Variants in PRDM6 observed in about 807,000 individuals in gnomAD.
PRDM6 encodes PR/SET domain 6, also known as putative histone-lysine N-methyltransferase PRDM6.
In PRDM6, 25 loss-of-function variants were observed where a neutral mutation model predicts 60.8. The observed-to-expected ratio is 0.41, with a 90% CI of 0.30 to 0.57. PRDM6 has a LOEUF of 0.57. PRDM6 is among the 20% of genes least tolerant of loss of function. PRDM6 has a pLI of 0.27. For synonymous variants in PRDM6, 407 were observed against 357.4 expected (o/e 1.14, Z -1.57); for missense variants, 839 against 821.3 (o/e 1.02, Z -0.26).
At chr5:123,139,966 A>G (rs1443935509) in intron 3 of PRDM6, among the ~76,000 whole-genome samples, 1 of 152,146 alleles carries the variant, frequency 6.6e-6, no homozygotes, top group Non-Finnish European at 1.5e-5. Context: ...AAAGATGCTG[A>G]CACACTTGTA....
intron 3 of PRDM6, among the ~76,000 whole-genome samples, chr5:123,125,148 CCCT>C (rs796444678): frequency 0.25 from 1,749 of 7,136 alleles, 15 homozygotes; most frequent in Middle Eastern, 0.43. Context: ...ATACCGCACC[CCCT>C]CCCCCCCACC....
rs759582159 is a variant in PRDM6 at position 123,155,912 on chromosome 5, A to G, written c.929A>G (p.His310Arg). 3.2e-6 allele frequency: 5 copies of G among 1,551,502 alleles called. No homozygotes were observed. ...EIYDQDGTLQ[H>R]FIDGGEPSKS... is the part of the protein sequence containing the mutation. ...TATGACCAGGATGGGACACTACAGC[A>G]CTTTATTGATGGTGGGGAACCTAGT... Residue 310 changes from histidine (H) to arginine (R), a missense_variant, in exon 4 of 8, where the codon CAC becomes CGC. Physicochemically the swap from His to Arg is conservative, Grantham distance 29 (BLOSUM62 0). Coordinates refer to ENST00000407847, the MANE Select transcript of PRDM6 (RefSeq NM_001136239.4).
intron 3 of PRDM6, among the ~76,000 whole-genome samples, chr5:123,133,804 A>G (rs1278676000): frequency 6.6e-6 from 1 of 150,666 alleles, no homozygotes; most frequent in Non-Finnish European, 1.5e-5. Flanking sequence ...TTGATTTGAA[A>G]CAAAAATCTG....
In PRDM6 at chr5:123,191,175, G is replaced by A. The variant is rs569934046; in HGVS notation, c.*3974G>A. ...GGAAGGAGATCTGCGACCCTGAATG[G>A]GTCAGAGTTGCCTCATTAGTGGTAA... On this transcript the variant is annotated 3_prime_UTR_variant, in exon 8 of 8. Transcript: ENST00000407847. The A allele has an allele frequency of 7.2e-5, 11 of 152,268 alleles. No individual in the cohort carries two copies. Among genetic ancestry groups the A allele is most frequent in the East Asian group, 3.9e-4 (2 of 5,182 alleles). 9.4% of individuals were successfully genotyped at this position (152,268 alleles called of 1,614,324 possible).
At chr5:123,178,905 G>T (rs1766076912) in intron 6 of PRDM6, among the ~76,000 whole-genome samples, 1 of 152,210 alleles carries the variant, frequency 6.6e-6, no homozygotes, top group African/African-American at 2.4e-5. Flanking sequence ...ATTTGTTAAA[G>T]GTTGAGCAAT....
chr5:123,183,231 G>T (rs1436785450), intron 7 of PRDM6, among the ~76,000 whole-genome samples: 1 of 152,206 alleles, frequency 6.6e-6, no homozygotes, highest in African/African-American at 2.4e-5. Flanking sequence ...GTCTTGGGGA[G>T]TTTCCAAATA....
chr5:123,091,247 A>AG (rs1561793840), intron 2 of PRDM6, among the ~76,000 whole-genome samples: 1 of 152,092 alleles, frequency 6.6e-6, no homozygotes, highest in Non-Finnish European at 1.5e-5. Context: ...AAGAAGGAAA[A>AG]GAAAAAAAAA....
intron 3 of PRDM6, among the ~76,000 whole-genome samples, chr5:123,119,292 A>G (rs914237662): frequency 1.3e-5 from 2 of 152,236 alleles, no homozygotes; most frequent in Non-Finnish European, 2.9e-5. Flanking sequence ...AGAGATTTAA[A>G]AAAATGAAAC....
chr5:123,165,581 A>G (rs1285485285), intron 5 of PRDM6, among the ~76,000 whole-genome samples: 2 of 152,192 alleles, frequency 1.3e-5, no homozygotes, highest in African/African-American at 4.8e-5. Context: ...TTGTTTTGTT[A>G]ATAGGTAGCT....
At chr5:123,117,941 T>C (rs1008647623) in intron 3 of PRDM6, among the ~76,000 whole-genome samples, 1 of 152,234 alleles carries the variant, frequency 6.6e-6, no homozygotes, top group Non-Finnish European at 1.5e-5. Context: ...AGCTTCTCAA[T>C]GTGCCAGGCA....
chr5:123,144,174 G>A (rs1765184268), intron 3 of PRDM6, among the ~76,000 whole-genome samples: 1 of 152,144 alleles, frequency 6.6e-6, no homozygotes, highest in African/African-American at 2.4e-5. Flanking sequence ...CTTCTCCTTT[G>A]AGTCTCACCC....
intron 6 of PRDM6, among the ~76,000 whole-genome samples, chr5:123,179,659 C>T (rs916400747): frequency 2.4e-4 from 37 of 151,850 alleles, no homozygotes; most frequent in African/African-American, 9.0e-4. Context: ...AGTTTATCCT[C>T]AGTTTTCTGA....
chr5:123,186,885 C>G (rs534970321), intron 7 of PRDM6, among the ~76,000 whole-genome samples: 2 of 152,246 alleles, frequency 1.3e-5, no homozygotes, highest in African/African-American at 2.4e-5. Context: ...TGCCTATTGA[C>G]AGATCCCTCT....
chr5:123,178,428 A>T (rs996717535), intron 6 of PRDM6, among the ~76,000 whole-genome samples: 9 of 152,216 alleles, frequency 5.9e-5, no homozygotes, highest in Non-Finnish European at 1.3e-4. Flanking sequence ...AACCCTTTCA[A>T]GTTTAATGTT....
chr5:123,111,975 A>G (rs1330950692), intron 3 of PRDM6, among the ~76,000 whole-genome samples: 2 of 152,160 alleles, frequency 1.3e-5, no homozygotes, highest in Non-Finnish European at 2.9e-5. Context: ...CCCCAGATAT[A>G]GATAGATGAT....
chr5:123,161,381 A>T (rs1765626801), intron 5 of PRDM6, among the ~76,000 whole-genome samples: 2 of 152,234 alleles, frequency 1.3e-5, no homozygotes, highest in African/African-American at 4.8e-5. Flanking sequence ...ATCAACAGAT[A>T]TATAAGTGAA....
Position 123,090,166 on chromosome 5 carries a change from AGCC to A in PRDM6, c.165_167del (p.Pro59del), listed in dbSNP as rs563892036. The A allele has an allele frequency of 9.8e-5, 145 of 1,485,592 alleles. No homozygotes were observed. Among genetic ancestry groups the A allele is most frequent in the Admixed American group, 3.9e-4 (17 of 43,220 alleles). The allele number at this position is 1,485,592 out of a possible 1,614,324, so 92.0% of individuals were successfully genotyped here. ...CTCCTGAGCGCGCCGCAGCCTCTTC[AGCC>A]GCCGCCGCCGCCCCCGCCCCCGGAG... On this transcript the variant is annotated inframe_deletion, in exon 2 of 8. Transcript: ENST00000407847.
intron 7 of PRDM6, among the ~76,000 whole-genome samples, chr5:123,182,334 G>C (rs1285786925): frequency 6.6e-6 from 1 of 152,220 alleles, no homozygotes; most frequent in Non-Finnish European, 1.5e-5. Context: ...CTTTGAGCAA[G>C]AGAGCTTTTC....
Position 123,187,308 on chromosome 5 carries a change from A to G in PRDM6, c.*107A>G. ...CTGAGCAACTTTCAATCAGTCCCAGAAAACCAAAAGCAGTAATAAAATAAG... is the reference window on the plus strand; with the variant it reads ...CTGAGCAACTTTCAATCAGTCCCAGGAAACCAAAAGCAGTAATAAAATAAG... On this transcript the variant is annotated 3_prime_UTR_variant, in exon 8 of 8. Coordinates refer to ENST00000407847, the MANE Select transcript of PRDM6 (RefSeq NM_001136239.4). 1 of 770,766 alleles carries G rather than the reference A, an allele frequency of 1.3e-6. No homozygotes were observed. The highest frequency in any genetic ancestry group is 1.6e-5 in the South Asian group (1 of 62,602). The allele number at this position is 770,766 out of a possible 1,614,324, so 47.7% of individuals were successfully genotyped here. A position where few individuals can be genotyped will look rare whatever the true frequency, so the allele number is the denominator to read the frequency against.
Sources: allele counts gnomAD v4.1 joint callset (sites outside exome capture counted in the v4.1 genomes callset), GRCh38; gene constraint gnomAD v4.1.1; transcripts MANE v1.5; gene names NCBI Gene and HGNC (gene_info 2026-07-23, HGNC 2026-07-21).